The following PARP16 variants were observed in gnomAD, a reference collection of about 807,000 sequenced individuals.
PARP16 encodes the protein poly(ADP-ribose) polymerase family member 16, also known as protein mono-ADP-ribosyltransferase PARP16.
PARP16 carries 31 observed loss-of-function variants against 35.0 expected under a neutral mutation model. That is an observed-to-expected ratio of 0.88 (90% CI 0.66 to 1.19). The LOEUF (loss-of-function observed/expected upper bound fraction) is 1.19. Among genes scored for constraint, PARP16 ranks in the 50% most tolerant of loss-of-function variants. The pLI, the probability that PARP16 is intolerant of heterozygous loss-of-function variation, is 0.00. For missense variants in PARP16, 424 were observed against 411.2 expected (o/e 1.03, Z -0.27); for synonymous variants, 162 against 169.5 (o/e 0.96, Z 0.34).
chr15:65,238,743 T>G (rs371826183), intron 3 of PARP16, among the ~76,000 whole-genome samples: 4 of 152,220 alleles, frequency 2.6e-5, no homozygotes, highest in African/African-American at 9.6e-5. Flanking sequence ...ATACCTTTAT[T>G]GAGGTATAGT....
At chr15:65,283,000 G>A (rs868217484) in intron 1 of PARP16, among the ~76,000 whole-genome samples, 1 of 152,144 alleles carries the variant, frequency 6.6e-6, no homozygotes, top group Admixed American at 6.6e-5. Flanking sequence ...TAAAAAGCAT[G>A]ATCAAAACAA....
At position 65,239,955 on chromosome 15, in the gene PARP16, C is replaced by CTTTTT. The variant is rs367808430; in HGVS notation, c.*98-5137_*98-5133dup. Among the ~76,000 whole-genome samples, 157 of 81,710 alleles carry CTTTTT rather than the reference C, an allele frequency of 1.9e-3. 27 individuals carry two copies. Among genetic ancestry groups the CTTTTT allele is most frequent in the Admixed American group, 3.6e-3 (21 of 5,834 alleles). The allele number at this position is 81,710 out of a possible 152,430, so 53.6% of individuals were successfully genotyped here. On this transcript the variant is annotated intron_variant and NMD_transcript_variant, in intron 3 of 3. Coordinates refer to the PARP16 transcript ENST00000559805. ...ACAGGCGTGAGCCACCGCGTCTGAC[C>CTTTTT]TTTTTTTTTTTTTTTTTTTAAATAC...
chr15:65,244,620 A>AT (rs1447078313), intron 3 of PARP16, among the ~76,000 whole-genome samples: 2 of 152,152 alleles, frequency 1.3e-5, no homozygotes, highest in Non-Finnish European at 2.9e-5. Flanking sequence ...TCAAGATGAG[A>AT]TTTAGGTGGG....
intron 2 of PARP16, among the ~76,000 whole-genome samples, chr15:65,252,707 C>T (rs1335236734): frequency 6.6e-6 from 1 of 152,198 alleles, no homozygotes; most frequent in Non-Finnish European, 1.5e-5. Context: ...TTCTCTTTCG[C>T]CACCCTCTCC....
chr15:65,259,283 A>G lies in PARP16; in HGVS notation c.*124T>C. The G allele has an allele frequency of 2.3e-6, 2 of 863,218 alleles. No homozygotes were observed. The highest frequency in any genetic ancestry group is 3.8e-6 in the Non-Finnish European group (2 of 527,958). The allele number at this position is 863,218 out of a possible 1,614,324, so 53.5% of individuals were successfully genotyped here. A position where few individuals can be genotyped will look rare whatever the true frequency, so the allele number is the denominator to read the frequency against. The stretch of plus-strand genomic sequence containing the variant: ...ATGGATACATTTAGGCCATATGAAA[A>G]TTGTCCTGTGGTCCCCCAACTGGCC... On this transcript the variant is annotated 3_prime_UTR_variant, in exon 6 of 6. Coordinates refer to ENST00000649807, the MANE Select transcript of PARP16 (RefSeq NM_001316943.2).
chr15:65,251,045 A>G (rs772197557), intron 2 of PARP16, among the ~76,000 whole-genome samples: 1 of 151,690 alleles, frequency 6.6e-6, no homozygotes, highest in Admixed American at 6.6e-5. Context: ...CACCATGCCC[A>G]GTTAATTTTT....
rs796306130 is a variant in PARP16 at position 65,262,138 on chromosome 15, T to C, written c.691+1011A>G. Among the ~76,000 whole-genome samples the C allele has an allele frequency of 2.2e-3, 328 of 150,204 alleles. 3 individuals are homozygous for C. The highest frequency in any genetic ancestry group is 7.9e-4 in the Non-Finnish European group (53 of 67,414). On this transcript the variant is annotated intron_variant, in intron 4 of 5. Coordinates refer to ENST00000649807, the MANE Select transcript of PARP16 (RefSeq NM_001316943.2). ...CAAGCCAGATCTTTTTTCTTTCTTT[T>C]TTTTTTTTTTTTTGGATGGAGTCTC...
At position 65,259,306 on chromosome 15, in the gene PARP16, G is replaced by T. The variant is rs2089620657; in HGVS notation, c.*101C>A. 8.6e-7 allele frequency: 1 copy of T among 1,159,766 alleles called. No individual in the cohort carries two copies. Among genetic ancestry groups the T allele is most frequent in the Non-Finnish European group, 1.3e-6 (1 of 789,222 alleles). 71.8% of individuals were successfully genotyped at this position (1,159,766 alleles called of 1,614,324 possible). On this transcript the variant is annotated 3_prime_UTR_variant, in exon 6 of 6. Transcript: ENST00000649807. Reference sequence around the variant, plus strand: ...AAATTGTCCTGTGGTCCCCCAACTGGCCCCTAGGCTCAACCTGGCTGGACA... The same window carrying T: ...AAATTGTCCTGTGGTCCCCCAACTGTCCCCTAGGCTCAACCTGGCTGGACA...
At chr15:65,273,715 A>G (rs1446333456) in intron 1 of PARP16, among the ~76,000 whole-genome samples, 3 of 151,922 alleles carry the variant, frequency 2.0e-5, no homozygotes, top group Admixed American at 2.0e-4. Context: ...CATCTCTACT[A>G]AAGATACAAA....
chr15:65,283,066 C>A (rs765904629), intron 1 of PARP16, among the ~76,000 whole-genome samples: 1 of 152,190 alleles, frequency 6.6e-6, no homozygotes, highest in Non-Finnish European at 1.5e-5. Flanking sequence ...TGATTGCATT[C>A]GCCAAGACCT....
At chr15:65,241,674 G>C (rs1406164369) in intron 3 of PARP16, among the ~76,000 whole-genome samples, 1 of 151,780 alleles carries the variant, frequency 6.6e-6, no homozygotes, top group African/African-American at 2.4e-5. Flanking sequence ...GAAAATTTTT[G>C]TTCATTTTTT....
At chr15:65,259,598 A>C in intron 5 of PARP16, 56 bp from the exon 6 acceptor site, 1 of 1,530,114 alleles carries the variant, frequency 6.5e-7, no homozygotes, top group Non-Finnish European at 9.0e-7. Context: ...CATTTTTTTT[A>C]AGTGTGTACA....
intron 2 of PARP16, among the ~76,000 whole-genome samples, chr15:65,253,074 G>A (rs2089400653): frequency 6.6e-6 from 1 of 151,546 alleles, no homozygotes; most frequent in South Asian, 2.1e-4. Context: ...ATGTAGTAGC[G>A]GTGAGCCGAG....
rs763050639 is a variant in PARP16, at chr15:65,266,767, A to G, written c.314T>C (p.Phe105Ser). The G allele has an allele frequency of 2.8e-5, 45 of 1,611,468 alleles. No homozygotes were observed. The highest frequency in any genetic ancestry group is 2.5e-6 in the Non-Finnish European group (3 of 1,178,102). ...CCCAGTCAGCTTTTGGATCTTTTCA[A>G]ACTTGAAAACATGAAGAGCATCAAA... ...LTIHSAGKAE[F>S]EKIQKLTGAP... The change falls in exon 3 of 6, where the codon TTT (phenylalanine) becomes TCT (serine). Residue 105 changes from phenylalanine to serine, a missense_variant and splice_region_variant. Transcript: ENST00000649807.
In PARP16 at chr15:65,286,825, A is replaced by C; in HGVS notation, c.-399T>G. 5.7e-6 allele frequency: 1 copy of C among 176,444 alleles called. No homozygotes were observed. The highest frequency in any genetic ancestry group is 2.0e-4 in the South Asian group (1 of 5,114). The allele number at this position is 176,444 out of a possible 1,614,324, so 10.9% of individuals were successfully genotyped here. Reference sequence around the variant, plus strand: ...TGGGGCGGGAAGCAGCCCCCGGGGGACGGCGGGCAGAGCCCACTCTCCGCG... The same window carrying C: ...TGGGGCGGGAAGCAGCCCCCGGGGGCCGGCGGGCAGAGCCCACTCTCCGCG... On this transcript the variant is annotated 5_prime_UTR_variant, in exon 1 of 6. Coordinates refer to ENST00000649807, the MANE Select transcript of PARP16 (RefSeq NM_001316943.2).
chr15:65,247,763 A>G (rs572005179), intron 3 of PARP16, among the ~76,000 whole-genome samples: 9 of 151,422 alleles, frequency 5.9e-5, no homozygotes, highest in African/African-American at 2.2e-4. Context: ...TACACAGGCG[A>G]TAACACACAC....
At position 65,279,573 on chromosome 15, in the gene PARP16, T is replaced by C. The variant is rs753171949; in HGVS notation, c.174+6680A>G. Among the ~76,000 whole-genome samples, 20 of 152,278 alleles carry C rather than the reference T, an allele frequency of 1.3e-4. No individual in the cohort carries two copies. The South Asian group carries it at 1.5e-3, about 11-fold the overall frequency. On this transcript the variant is annotated intron_variant, in intron 1 of 5. Transcript: ENST00000649807. ...TATATTTTCAGACCTGTGTACTTTT[T>C]CTCCTCCACTGTTCAGATGCCATCT...
At chr15:65,270,831 C>T (rs1406812912) in intron 2 of PARP16, 104 bp downstream of exon 2, 2 of 1,141,388 alleles carry the variant, frequency 1.8e-6, no homozygotes, top group Non-Finnish European at 1.3e-6. Context: ...TCTCAAGCTG[C>T]CCAGGTCACT....
chr15:65,286,362 A>C lies in PARP16; in HGVS notation c.65T>G (p.Leu22Arg). The C allele has an allele frequency of 2.5e-6, 4 of 1,582,310 alleles. No individual in the cohort carries two copies. The highest frequency in any genetic ancestry group is 1.7e-4 in the Middle Eastern group (1 of 5,940). ...GGCCGAGGCGAAGAGGCTGCACCGG[A>C]GGTCGGCGGCCAGCATGTCGCGGCC... is the stretch of plus-strand genomic sequence containing the variant. ...AAGRDMLAADLRCSLFASALQ... is the reference protein window; with the variant it reads ...AAGRDMLAADRRCSLFASALQ... The change falls in exon 1 of 6, where the codon CTC becomes CGC. Residue 22 changes from leucine to arginine, a missense_variant. Coordinates refer to ENST00000649807, the MANE Select transcript of PARP16 (RefSeq NM_001316943.2).
Sources: allele counts gnomAD v4.1 joint callset (sites outside exome capture counted in the v4.1 genomes callset), GRCh38; gene constraint gnomAD v4.1.1; transcripts MANE v1.5; gene names NCBI Gene and HGNC (gene_info 2026-07-23, HGNC 2026-07-21).